PTPRD: variants seen among roughly 807,000 people sequenced by gnomAD.
PTPRD encodes the protein protein tyrosine phosphatase receptor type D.
PTPRD carries 34 observed loss-of-function variants against 214.5 expected under a neutral mutation model. The ratio of observed to expected loss-of-function variants is 0.16; its 90% CI spans 0.12 to 0.21. The LOEUF (loss-of-function observed/expected upper bound fraction) is 0.21. Ranked by LOEUF, PTPRD falls within the 10% of genes least tolerant of loss-of-function variation. The pLI, the probability that PTPRD is intolerant of heterozygous loss-of-function variation, is 1.00. For missense variants in PTPRD, 2,545 were observed against 2,398.7 expected, an observed-to-expected ratio of 1.06 and a Z score of -1.27; for synonymous variants, 1,128 against 845.7, an observed-to-expected ratio of 1.33 and a Z score of -5.79.
intron 4 of PTPRD, among the ~76,000 whole-genome samples, chr9:9,977,179 G>T (rs994732595): frequency 1.3e-5 from 2 of 152,176 alleles, no homozygotes; most frequent in Admixed American, 1.3e-4. Context: ...TCAGGACCTT[G>T]ATAGGTGGAT....
chr9:9,513,007 T>C (rs943234700), intron 8 of PTPRD, among the ~76,000 whole-genome samples: 3 of 151,946 alleles, frequency 2.0e-5, no homozygotes, highest in African/African-American at 7.2e-5. Flanking sequence ...AAAATCTTTC[T>C]TTTGGGATCT....
chr9:9,595,731 G>T (rs2093292872), intron 7 of PTPRD, among the ~76,000 whole-genome samples: 1 of 151,818 alleles, frequency 6.6e-6, no homozygotes, highest in Non-Finnish European at 1.5e-5. Context: ...CTCATAAGTG[G>T]AAGCTAAGCT....
intron 37 of PTPRD, among the ~76,000 whole-genome samples, chr9:8,383,574 A>T (rs370563223): frequency 1.4e-4 from 22 of 152,130 alleles, no homozygotes; most frequent in African/African-American, 5.3e-4. Context: ...ATGATTCCCT[A>T]TTTGGAAACA....
intron 9 of PTPRD, among the ~76,000 whole-genome samples, chr9:9,201,047 A>G (rs571942507): frequency 6.6e-6 from 1 of 152,338 alleles, no homozygotes; most frequent in Non-Finnish European, 1.5e-5. Flanking sequence ...AAGTCATAAG[A>G]GAAAAGAATA....
intron 10 of PTPRD, among the ~76,000 whole-genome samples, chr9:9,091,427 A>G (rs61192231): frequency 0.043 from 6,509 of 152,318 alleles, 285 homozygotes; most frequent in African/African-American, 0.11. Context: ...TTTAAAAAAT[A>G]CCTTGTTAGT....
At chr9:8,896,158 G>A (rs1449023407) in intron 11 of PTPRD, among the ~76,000 whole-genome samples, 2 of 152,290 alleles carry the variant, frequency 1.3e-5, no homozygotes, top group Non-Finnish European at 2.9e-5. Flanking sequence ...TAAACTGGGG[G>A]AAATGATTGC....
intron 3 of PTPRD, among the ~76,000 whole-genome samples, chr9:10,340,114 A>G (rs535861650): frequency 1.3e-5 from 2 of 152,016 alleles, no homozygotes; most frequent in African/African-American, 2.4e-5. Context: ...TAATTATTTC[A>G]TACTACAAGA....
intron 12 of PTPRD, among the ~76,000 whole-genome samples, chr9:8,732,358 T>C (rs1449782041): frequency 6.6e-6 from 1 of 152,232 alleles, no homozygotes; most frequent in Non-Finnish European, 1.5e-5. Context: ...TCCCAGGGTC[T>C]AAATGGGCTT....
At chr9:9,995,251 A>G (rs2096079324) in intron 4 of PTPRD, among the ~76,000 whole-genome samples, 1 of 152,170 alleles carries the variant, frequency 6.6e-6, no homozygotes, top group Admixed American at 6.6e-5. Flanking sequence ...TTTAGGTAAA[A>G]TAGGGCTTTT....
chr9:9,281,006 G>A (rs1430263434), intron 9 of PTPRD, among the ~76,000 whole-genome samples: 1 of 151,046 alleles, frequency 6.6e-6, no homozygotes, highest in Non-Finnish European at 1.5e-5. Flanking sequence ...AAAATCAAAG[G>A]CAATACAATA....
At chr9:10,022,723 G>T (rs1371863782) in intron 4 of PTPRD, among the ~76,000 whole-genome samples, 1 of 152,114 alleles carries the variant, frequency 6.6e-6, no homozygotes, top group Non-Finnish European at 1.5e-5. Flanking sequence ...GATTTACATT[G>T]ACTAAGTTTT....
intron 3 of PTPRD, among the ~76,000 whole-genome samples, chr9:10,251,748 T>C (rs778344821): frequency 2.0e-5 from 3 of 152,172 alleles, no homozygotes; most frequent in Non-Finnish European, 4.4e-5. Context: ...CTTGCTCATA[T>C]CGCAATGTGA....
intron 9 of PTPRD, among the ~76,000 whole-genome samples, chr9:9,220,497 T>C (rs865995032): frequency 6.6e-6 from 1 of 152,056 alleles, no homozygotes; most frequent in Non-Finnish European, 1.5e-5. Context: ...ATTGGGGATA[T>C]ATTCTTTGTA....
rs79205466 is a variant in PTPRD, at chr9:9,195,689, T to C, written c.-202-12326A>G. Reference sequence around the variant, plus strand: ...TGCTTTCAGCTAGACCCTAGCAGTGTTCCTCAGCCATCAACATTTTTAAAT... The same window carrying C: ...TGCTTTCAGCTAGACCCTAGCAGTGCTCCTCAGCCATCAACATTTTTAAAT... On this transcript the variant is annotated intron_variant, in intron 9 of 45. Coordinates refer to ENST00000381196, the MANE Select transcript of PTPRD (RefSeq NM_002839.4). Among the ~76,000 whole-genome samples the C allele has an allele frequency of 9.3e-3, 1,395 of 150,658 alleles. 22 individuals are homozygous for C. The highest frequency in any genetic ancestry group is 0.032 in the African/African-American group (1,329 of 40,968).
intron 7 of PTPRD, among the ~76,000 whole-genome samples, chr9:9,619,428 T>C (rs940634907): frequency 6.6e-6 from 1 of 150,456 alleles, no homozygotes; most frequent in African/African-American, 2.4e-5. Flanking sequence ...TGAAAAACAA[T>C]TTAATATATA....
chr9:8,597,959 A>C (rs2094562215), intron 14 of PTPRD, among the ~76,000 whole-genome samples: 1 of 152,208 alleles, frequency 6.6e-6, no homozygotes, highest in African/African-American at 2.4e-5. Flanking sequence ...GAAAATTACA[A>C]ATGTATTAAT....
chr9:10,518,030 C>G (rs1414559), intron 2 of PTPRD, among the ~76,000 whole-genome samples: 11 of 152,020 alleles, frequency 7.2e-5, no homozygotes, highest in Non-Finnish European at 1.3e-4. Context: ...AATTCTATAA[C>G]CACTTAGAGA....
intron 11 of PTPRD, among the ~76,000 whole-genome samples, chr9:8,984,330 C>G (rs1462658168): frequency 6.6e-6 from 1 of 151,928 alleles, no homozygotes; most frequent in South Asian, 2.1e-4. Flanking sequence ...AGGTAAAGAA[C>G]AGAAATGAAT....
intron 11 of PTPRD, among the ~76,000 whole-genome samples, chr9:8,902,357 T>C (rs1269306411): frequency 6.6e-6 from 1 of 151,478 alleles, no homozygotes; most frequent in Non-Finnish European, 1.5e-5. Context: ...TTTTTTTTTT[T>C]TTTGAGACTG....
Sources: allele counts gnomAD v4.1 joint callset (sites outside exome capture counted in the v4.1 genomes callset), GRCh38; gene constraint gnomAD v4.1.1; transcripts MANE v1.5; gene names NCBI Gene and HGNC (gene_info 2026-07-23, HGNC 2026-07-21).